The following ZNF711 variants were observed in gnomAD, a reference collection of about 807,000 sequenced individuals.
ZNF711 encodes ZFX family zinc finger ZNF711.
In ZNF711, 3 loss-of-function variants were observed where a neutral mutation model predicts 43.5. That is an observed-to-expected ratio of 0.07 (90% CI 0.03 to 0.18). The LOEUF (loss-of-function observed/expected upper bound fraction) is 0.18. Among genes scored for constraint, ZNF711 ranks in the 10% least tolerant of loss-of-function variants. The probability of loss-of-function intolerance (pLI) is 1.00; values close to 1 mark genes in which losing one functional copy is unlikely to be tolerated. For missense variants in ZNF711, 412 were observed against 604.0 expected (o/e 0.68, Z 3.33); for synonymous variants, 209 against 207.7 (o/e 1.01, Z -0.06).
intron 4 of ZNF711, among the ~76,000 whole-genome samples, chrX:85,254,801 CAAAAA>C (rs376380248): frequency 7.5e-4 from 27 of 35,838 alleles, no homozygotes; most frequent in African/African-American, 2.0e-3. Context: ...GACTCCGTCT[CAAAAA>C]AAAAAAAAAA....
chrX:85,269,918 T>C, intron 9 of ZNF711, 85 bp from the exon 10 acceptor site: 1 of 998,252 alleles, frequency 1.0e-6, no homozygotes, highest in Admixed American at 2.2e-5. Context: ...TAACTTGGTG[T>C]CATGTCATCT....
chrX:85,269,358 TTTTCTTTCTTTC>T (rs760414710), intron 9 of ZNF711, among the ~76,000 whole-genome samples: 3 of 109,464 alleles, frequency 2.7e-5, no homozygotes, highest in Admixed American at 2.0e-4. Context: ...TTTTTTTTCT[TTTTCTTTCTTTC>T]TTTCTTTTTT....
At chrX:85,270,331 G>A (rs1396177924) in intron 10 of ZNF711, among the ~76,000 whole-genome samples, 185 bp downstream of exon 10, 2 of 101,956 alleles carry the variant, frequency 2.0e-5, no homozygotes, top group African/African-American at 7.2e-5. Flanking sequence ...AACTATGCTT[G>A]TTTGCTCTTT....
chrX:85,247,965 A>G (rs1210564608), intron 4 of ZNF711, among the ~76,000 whole-genome samples: 1 of 110,426 alleles, frequency 9.1e-6, no homozygotes, highest in Non-Finnish European at 1.9e-5. Context: ...ATCAGCTCTC[A>G]CGTGTAGGAA....
chrX:85,270,515 AT>A (rs1460912594), intron 10 of ZNF711, 135 bp from the exon 11 acceptor site: 2 of 595,924 alleles, frequency 3.4e-6, no homozygotes, highest in Admixed American at 3.1e-5. Flanking sequence ...TTTATTATGT[AT>A]TTTTTATATT....
chrX:85,259,015 T>A (rs1930408961), intron 5 of ZNF711, among the ~76,000 whole-genome samples: 1 of 111,402 alleles, frequency 9.0e-6, no homozygotes, highest in Non-Finnish European at 1.9e-5. Context: ...TTACTAGGTT[T>A]TCTTCTAGGA....
Position 85,271,224 on chromosome X carries a change from C to T in ZNF711, c.1820C>T (p.Pro607Leu), listed in dbSNP as rs1242058302. The T allele has an allele frequency of 1.7e-6, 2 of 1,209,148 alleles. No homozygotes were observed. Among genetic ancestry groups the T allele is most frequent in the Non-Finnish European group, 2.2e-6 (2 of 894,270 alleles). Reference protein sequence around the residue: ...HIKSKHGNNLPYKCEHCPQAF... With the variant: ...HIKSKHGNNLLYKCEHCPQAF... ...AAGTCTAAACATGGTAACAATTTGC[C>T]ATATAAATGTGAGCATTGTCCCCAA... is the stretch of plus-strand genomic sequence containing the variant. Residue 607 changes from proline (P) to leucine (L), a missense_variant, in exon 11 of 11, where the codon CCA (proline) becomes CTA (leucine). Physicochemically the swap from Pro to Leu is moderately conservative, Grantham distance 98. Around this residue, in one of 4 missense-constraint regions of ZNF711, gnomAD observed 375 missense variants for 514.2 expected, o/e 0.73. Coordinates refer to ENST00000674551, the MANE Select transcript of ZNF711 (RefSeq NM_001330574.2).
intron 1 of ZNF711, among the ~76,000 whole-genome samples, 172 bp downstream of exon 1, chrX:85,244,363 T>G (rs1440121280): frequency 8.9e-6 from 1 of 111,768 alleles, no homozygotes; most frequent in Admixed American, 9.4e-5. Context: ...GTTTTCCTCT[T>G]CAGCCGCAGC....
chrX:85,265,656 GA>G (rs920607723), intron 7 of ZNF711, among the ~76,000 whole-genome samples: 3 of 107,931 alleles, frequency 2.8e-5, no homozygotes, highest in East Asian at 2.9e-4. Flanking sequence ...CTTATGGAAG[GA>G]AAAAAAAAGA....
chrX:85,264,178 C>A, intron 5 of ZNF711, 97 bp from the exon 6 acceptor site: 1 of 660,731 alleles, frequency 1.5e-6, no homozygotes, highest in Non-Finnish European at 2.4e-6. Context: ...CGTTACACTT[C>A]AGCTTAACAC....
At chrX:85,270,441 G>A (rs1227446779) in intron 10 of ZNF711, among the ~76,000 whole-genome samples, 1 of 111,137 alleles carries the variant, frequency 9.0e-6, no homozygotes, top group Non-Finnish European at 1.9e-5. Flanking sequence ...ATTTTGGCAT[G>A]TGAGTGGTTC....
chrX:85,267,533 T>C, intron 8 of ZNF711, 118 bp downstream of exon 8: 1 of 549,920 alleles, frequency 1.8e-6, no homozygotes, highest in Non-Finnish European at 2.6e-6. Context: ...TAAAATGTTT[T>C]ACACTGTGGA....
Position 85,269,999 on chromosome X carries a change from C to T in ZNF711, c.1103-4C>T. 1.7e-6 allele frequency: 2 copies of T among 1,206,609 alleles called. No individual in the cohort carries two copies. The highest frequency in any genetic ancestry group is 2.2e-6 in the Non-Finnish European group (2 of 892,747). On this transcript the variant is annotated splice_region_variant and splice_polypyrimidine_tract_variant and intron_variant, in intron 9 of 10. Coordinates refer to ENST00000674551, the MANE Select transcript of ZNF711 (RefSeq NM_001330574.2). ...TTTAATGATGTTTCAATTTTTTTTT[C>T]CAGGAAATACTTTGGACTCAGCATT... is the stretch of plus-strand genomic sequence containing the variant.
chrX:85,258,156 G>A (rs1004158616), intron 5 of ZNF711, among the ~76,000 whole-genome samples: 4 of 112,144 alleles, frequency 3.6e-5, no homozygotes, highest in Admixed American at 2.8e-4. Context: ...CAATCAACGA[G>A]TGGATAAAGA....
chrX:85,268,645 G>A (rs986400233), intron 9 of ZNF711, among the ~76,000 whole-genome samples: 1 of 111,437 alleles, frequency 9.0e-6, no homozygotes, highest in Non-Finnish European at 1.9e-5. Context: ...TATTTGGACA[G>A]AAAAGTAAAA....
chrX:85,260,758 A>G (rs1393335537), intron 5 of ZNF711, among the ~76,000 whole-genome samples: 1 of 110,401 alleles, frequency 9.1e-6, no homozygotes, highest in Non-Finnish European at 1.9e-5. Flanking sequence ...GTCATAGCAT[A>G]TATCAGTACA....
At chrX:85,251,476 C>T (rs992928861) in intron 4 of ZNF711, among the ~76,000 whole-genome samples, 1 of 110,972 alleles carries the variant, frequency 9.0e-6, no homozygotes. Context: ...AGACCTGACA[C>T]GTAACAGATT....
At chrX:85,269,275 C>A (rs1174164874) in intron 9 of ZNF711, among the ~76,000 whole-genome samples, 1 of 110,965 alleles carries the variant, frequency 9.0e-6, no homozygotes, top group African/African-American at 3.3e-5. Flanking sequence ...CAATTAATTT[C>A]ATCAGCCTTC....
intron 5 of ZNF711, among the ~76,000 whole-genome samples, chrX:85,259,962 T>C (rs1324083664): frequency 9.0e-6 from 1 of 111,370 alleles, no homozygotes; most frequent in Non-Finnish European, 1.9e-5. Flanking sequence ...CTTGTCTTAT[T>C]CCAGTTCTCA....
Sources: gnomAD v4.1 joint callset for allele counts (sites outside exome capture counted in the v4.1 genomes callset) on GRCh38, gnomAD v4.1.1 for gene constraint, gnomAD v4.1.1 regional missense constraint, MANE v1.5 for transcripts, NCBI Gene and HGNC (gene_info 2026-07-23, HGNC 2026-07-21) for gene names.